NFAM1: variants seen among roughly 807,000 people sequenced by gnomAD.
NFAM1 encodes the protein NFAT activating protein with ITAM motif 1.
NFAM1 carries 17 observed loss-of-function variants against 29.0 expected under a neutral mutation model. The observed-to-expected ratio is 0.59, with a 90% CI of 0.40 to 0.88. The LOEUF (loss-of-function observed/expected upper bound fraction) is 0.88, where lower values mean the gene tolerates loss of function less well. Ranked by LOEUF, NFAM1 falls within the 40% of genes least tolerant of loss-of-function variation. NFAM1 has a pLI of 0.00. For synonymous variants in NFAM1, 175 were observed against 147.2 expected, an observed-to-expected ratio of 1.19 and a Z score of -1.36; for missense variants, 324 against 344.6, an observed-to-expected ratio of 0.94 and a Z score of 0.47.
At chr22:42,418,806 G>A (rs780131000) in intron 1 of NFAM1, among the ~76,000 whole-genome samples, 11 of 152,134 alleles carry the variant, frequency 7.2e-5, no homozygotes, top group Non-Finnish European at 1.0e-4. Context: ...GACCCCCAGG[G>A]GTCTTTCCCT....
chr22:42,428,064 AC>A (rs1400873495), intron 1 of NFAM1, among the ~76,000 whole-genome samples: 1 of 152,230 alleles, frequency 6.6e-6, no homozygotes, highest in Non-Finnish European at 1.5e-5. Context: ...CAGCAGTGAG[AC>A]AGGACCCGCT....
chr22:42,395,155 C>T (rs1271540983), intron 4 of NFAM1, among the ~76,000 whole-genome samples: 1 of 149,812 alleles, frequency 6.7e-6, no homozygotes, highest in Non-Finnish European at 1.5e-5. Context: ...GCCTGAGTGA[C>T]AGAGAAAGAC....
intron 1 of NFAM1, among the ~76,000 whole-genome samples, chr22:42,414,487 C>T (rs1930194193): frequency 6.6e-6 from 1 of 152,018 alleles, no homozygotes; most frequent in Non-Finnish European, 1.5e-5. Flanking sequence ...TGTCTGTAAT[C>T]CCAGCTACTC....
At chr22:42,427,859 A>G (rs919646421) in intron 1 of NFAM1, among the ~76,000 whole-genome samples, 2 of 152,084 alleles carry the variant, frequency 1.3e-5, no homozygotes, top group Non-Finnish European at 2.9e-5. Context: ...TGATCCCCCC[A>G]CAAGCTGGGA....
chr22:42,398,352 G>A (rs940754777), intron 3 of NFAM1, among the ~76,000 whole-genome samples: 6 of 129,006 alleles, frequency 4.7e-5, no homozygotes, highest in African/African-American at 6.9e-5. Flanking sequence ...GGCCTCGAGC[G>A]AGCCAGTTCC....
intron 1 of NFAM1, among the ~76,000 whole-genome samples, chr22:42,423,549 T>TTAAATAAATAAATAAA (rs1569235801): frequency 5.2e-5 from 7 of 135,048 alleles, no homozygotes; most frequent in African/African-American, 2.1e-4. Context: ...ACCCCATTTC[T>TTAAATAAATAAATAAA]GAAATAAATA....
At chr22:42,403,092 C>T (rs5996158) in intron 3 of NFAM1, among the ~76,000 whole-genome samples, 14,251 of 151,784 alleles carry the variant, frequency 0.094, 855 homozygotes, top group African/African-American at 0.15. Context: ...CCACCTCGGA[C>T]TCCCAAAGTG....
intron 1 of NFAM1, among the ~76,000 whole-genome samples, chr22:42,415,448 C>T (rs1360369180): frequency 2.0e-5 from 3 of 152,014 alleles, no homozygotes; most frequent in African/African-American, 4.8e-5. Context: ...CACAGGCACC[C>T]GCCACCATGC....
In NFAM1 at chr22:42,382,788, T is replaced by C. The variant is rs553271971; in HGVS notation, c.*2373A>G. On this transcript the variant is annotated 3_prime_UTR_variant, in exon 6 of 6. Coordinates refer to ENST00000329021, the MANE Select transcript of NFAM1 (RefSeq NM_145912.8). ...AGCCCTTTAGGGTCCCGTCCTTTCA[T>C]GCTGTGCTCTCCTCCTCCTCCTCCT... 1 of 154,300 alleles carries C rather than the reference T, an allele frequency of 6.5e-6. No individual in the cohort carries two copies. The highest frequency in any genetic ancestry group is 1.4e-5 in the Non-Finnish European group (1 of 68,996). The allele number at this position is 154,300 out of a possible 1,614,324, so 9.6% of individuals were successfully genotyped here. A position where few individuals can be genotyped will look rare whatever the true frequency, so the allele number is the denominator to read the frequency against.
intron 1 of NFAM1, among the ~76,000 whole-genome samples, chr22:42,430,386 T>C (rs887109240): frequency 1.3e-5 from 2 of 152,050 alleles, no homozygotes; most frequent in African/African-American, 4.8e-5. Context: ...ATGGCAAAAC[T>C]CTGTCTCTAC....
At chr22:42,432,089 G>A in intron 1 of NFAM1, 148 bp downstream of exon 1, 1 of 729,476 alleles carries the variant, frequency 1.4e-6, no homozygotes. Flanking sequence ...GTCCCAGAAG[G>A]CTTCCCCTGT....
rs1258509488 is a variant in NFAM1 at position 42,420,008 on chromosome 22, T to G, written c.122-8272A>C. Among the ~76,000 whole-genome samples, 33 of 137,044 alleles carry G rather than the reference T, an allele frequency of 2.4e-4. 1 individual carries two copies. The highest frequency in any genetic ancestry group is 7.3e-4 in the Admixed American group (10 of 13,628). 89.9% of individuals were successfully genotyped at this position (137,044 alleles called of 152,430 possible). A position where few individuals can be genotyped will look rare whatever the true frequency, so the allele number is the denominator to read the frequency against. On this transcript the variant is annotated intron_variant, in intron 1 of 5. Transcript: ENST00000329021. ...ACTCTTGGTTTTTTTTTTTTTTTTTTTTTTTTTTTTTTTTTTTTCTGAGGC... is the reference window on the plus strand; with the variant it reads ...ACTCTTGGTTTTTTTTTTTTTTTTTGTTTTTTTTTTTTTTTTTTCTGAGGC...
chr22:42,415,812 C>A (rs191151422), intron 1 of NFAM1, among the ~76,000 whole-genome samples: 2 of 152,348 alleles, frequency 1.3e-5, no homozygotes, highest in South Asian at 2.1e-4. Flanking sequence ...TCCACAAATT[C>A]TTTTCAGCTG....
chr22:42,385,028 G>A lies in NFAM1; in HGVS notation c.*133C>T. 1.3e-6 allele frequency: 1 copy of A among 750,154 alleles called. No individual in the cohort carries two copies. Among genetic ancestry groups the A allele is most frequent in the South Asian group, 1.5e-5 (1 of 68,830 alleles). 46.5% of individuals were successfully genotyped at this position (750,154 alleles called of 1,614,324 possible). A position where few individuals can be genotyped will look rare whatever the true frequency, so the allele number is the denominator to read the frequency against. ...CAGTGGGGCCGGCCAAGACAGGAAG[G>A]GCCTTGAATGTGAGGGTGAAATGAT... On this transcript the variant is annotated 3_prime_UTR_variant, in exon 6 of 6. Coordinates refer to ENST00000329021, the MANE Select transcript of NFAM1 (RefSeq NM_145912.8).
chr22:42,419,276 G>A lies in NFAM1; in HGVS notation c.122-7540C>T, dbSNP rs552633287. Among the ~76,000 whole-genome samples the A allele has an allele frequency of 2.0e-3, 297 of 152,160 alleles. 3 individuals are homozygous for A. The highest frequency in any genetic ancestry group is 6.8e-3 in the African/African-American group (282 of 41,504). On this transcript the variant is annotated intron_variant, in intron 1 of 5. Coordinates refer to ENST00000329021, the MANE Select transcript of NFAM1 (RefSeq NM_145912.8). The surrounding 1 kb of genome is among the most constrained non-coding windows in gnomAD (Gnocchi z 4.5). ...CCTGCCCAACCAGGGCTGTCTCTGT[G>A]GCTCTGAGTCCCCAGCGATCCACAA...
intron 1 of NFAM1, among the ~76,000 whole-genome samples, chr22:42,414,082 A>G (rs11090099): frequency 0.22 from 33,750 of 152,090 alleles, 3,991 homozygotes; most frequent in Admixed American, 0.33. Context: ...AAAGAAAGAA[A>G]AAGAGAGACA....
chr22:42,388,108 C>T lies in NFAM1; in HGVS notation c.664-1030G>A, dbSNP rs1929212870. 6.6e-6 allele frequency among the ~76,000 whole-genome samples: 1 copy of T among 152,230 alleles called. No homozygotes were observed. The highest frequency in any genetic ancestry group is 1.5e-5 in the Non-Finnish European group (1 of 68,046). ...CACTCGGGTGTGTCCTAGGCCCACT[C>T]ACTCTTGGCCCAGCTAAGAAAGGCC... On this transcript the variant is annotated intron_variant, in intron 4 of 5. Transcript: ENST00000329021. This position sits in a 1 kb window ranked among gnomAD's most constrained non-coding sequence, Gnocchi z 4.1.
At chr22:42,406,008 C>T (rs933372109) in intron 3 of NFAM1, among the ~76,000 whole-genome samples, 1 of 152,176 alleles carries the variant, frequency 6.6e-6, no homozygotes, top group Non-Finnish European at 1.5e-5. Context: ...GCGATGACAT[C>T]CCCAGCCTCA....
chr22:42,434,881 C>T (rs866071357), upstream of NFAM1, among the ~76,000 whole-genome samples: 1 of 152,226 alleles, frequency 6.6e-6, no homozygotes, highest in Non-Finnish European at 1.5e-5. Context: ...CCCAGACCTC[C>T]GTCCATTCCC....
Sources: allele counts gnomAD v4.1 joint callset (sites outside exome capture counted in the v4.1 genomes callset), GRCh38; gene constraint gnomAD v4.1.1; non-coding constraint Gnocchi (gnomAD v3.1); transcripts MANE v1.5; gene names NCBI Gene and HGNC (gene_info 2026-07-23, HGNC 2026-07-21).